Variants in ZNF385D observed in about 807,000 individuals in gnomAD.
The protein encoded by ZNF385D is zinc finger protein 659.
A neutral mutation model predicts 35.8 loss-of-function variants in ZNF385D; 15 were observed. The ratio of observed to expected loss-of-function variants is 0.42; its 90% confidence interval spans 0.28 to 0.64. The LOEUF is 0.64. ZNF385D is among the 30% of genes least tolerant of loss of function. The pLI, the probability that ZNF385D is intolerant of heterozygous loss-of-function variation, is 0.23. For missense variants in ZNF385D, 474 were observed against 494.6 expected, an observed-to-expected ratio of 0.96 and a Z score of 0.39; for synonymous variants, 212 against 186.8, an observed-to-expected ratio of 1.13 and a Z score of -1.10.
intron 2 of ZNF385D, among the ~76,000 whole-genome samples, chr3:22,254,882 C>T (rs190072723): frequency 6.6e-6 from 1 of 151,870 alleles, no homozygotes; most frequent in Non-Finnish European, 1.5e-5. Flanking sequence ...TATCAGTCCT[C>T]TCTGATCACA....
intron 3 of ZNF385D, among the ~76,000 whole-genome samples, chr3:22,105,939 C>T (rs1253281478): frequency 6.6e-6 from 1 of 152,136 alleles, no homozygotes; most frequent in African/African-American, 2.4e-5. Context: ...TAATAGTACA[C>T]ATCTGTTACT....
chr3:21,833,231 G>A (rs556522213), intron 3 of ZNF385D, among the ~76,000 whole-genome samples: 12 of 152,180 alleles, frequency 7.9e-5, no homozygotes, highest in Non-Finnish European at 1.8e-4. Context: ...TTAGTGGGCT[G>A]AAAGTTGGCC....
At chr3:22,125,648 T>C (rs1703382875) in intron 3 of ZNF385D, among the ~76,000 whole-genome samples, 2 of 152,134 alleles carry the variant, frequency 1.3e-5, no homozygotes, top group African/African-American at 4.8e-5. Flanking sequence ...TTCACATTTT[T>C]GGTTAAGTTT....
At chr3:22,123,865 A>AG (rs1703242983) in intron 3 of ZNF385D, among the ~76,000 whole-genome samples, 1 of 138,264 alleles carries the variant, frequency 7.2e-6, no homozygotes. Flanking sequence ...TCTGTCTCAG[A>AG]AAAACCAAAC....
chr3:21,693,656 A>G (rs2067357584), intron 1 of ZNF385D, among the ~76,000 whole-genome samples: 1 of 152,134 alleles, frequency 6.6e-6, no homozygotes, highest in Non-Finnish European at 1.5e-5. Context: ...TGTCCTTTGT[A>G]AAGTATAACA....
rs116991143 is a variant in ZNF385D, at chr3:22,032,089, C to A, written c.325+136728G>T. Among the ~76,000 whole-genome samples, 132 of 152,334 alleles carry A rather than the reference C, an allele frequency of 8.7e-4. 1 individual carries two copies. The East Asian group carries it at 0.022, about 25-fold the overall frequency. ...ATAAGTTCCTCATCTCCATCTGAGA[C>A]CACCCCAGCTGGGACTTCATTGTCC... On this transcript the variant is annotated intron_variant, in intron 3 of 5. Coordinates refer to the ZNF385D transcript ENST00000494108.
chr3:21,675,994 G>A (rs35833757), intron 1 of ZNF385D, among the ~76,000 whole-genome samples: 30,536 of 151,844 alleles, frequency 0.2, 3,282 homozygotes, highest in East Asian at 0.29. Flanking sequence ...TCAACGTTCC[G>A]TTGTGATTTT....
At chr3:21,977,750 C>A (rs1340468209) in intron 3 of ZNF385D, among the ~76,000 whole-genome samples, 1 of 152,000 alleles carries the variant, frequency 6.6e-6, no homozygotes, top group African/African-American at 2.4e-5. Context: ...GCAAGAGGAT[C>A]GCTTGAGCCC....
At chr3:22,316,366 G>C (rs1033129350) in intron 2 of ZNF385D, among the ~76,000 whole-genome samples, 1 of 152,180 alleles carries the variant, frequency 6.6e-6, no homozygotes, top group Non-Finnish European at 1.5e-5. Flanking sequence ...GGGTTTATCT[G>C]TGTGGCAGGC....
At chr3:22,230,265 A>T (rs931709806) in intron 2 of ZNF385D, among the ~76,000 whole-genome samples, 1 of 152,174 alleles carries the variant, frequency 6.6e-6, no homozygotes, top group African/African-American at 2.4e-5. Context: ...CTGTATAATG[A>T]TATTTTACAA....
At chr3:21,734,398 C>A in intron 1 of ZNF385D, among the ~76,000 whole-genome samples, 1 of 150,978 alleles carries the variant, frequency 6.6e-6, no homozygotes, top group East Asian at 2.0e-4. Flanking sequence ...TTTAGATGGT[C>A]ATCCTAAAGA....
intron 3 of ZNF385D, among the ~76,000 whole-genome samples, chr3:21,524,423 T>G (rs2125511297): frequency 6.6e-6 from 1 of 152,330 alleles, no homozygotes; most frequent in Non-Finnish European, 1.5e-5. Context: ...GACAACATAT[T>G]TCCAAATTCT....
At chr3:22,113,613 A>G (rs62246428) in intron 3 of ZNF385D, among the ~76,000 whole-genome samples, 36,116 of 152,082 alleles carry the variant, frequency 0.24, 5,201 homozygotes, top group Middle Eastern at 0.37. Context: ...GACAATGAGC[A>G]GCACAGCAAC....
chr3:22,223,654 C>A (rs145896812), intron 2 of ZNF385D, among the ~76,000 whole-genome samples: 1 of 152,060 alleles, frequency 6.6e-6, no homozygotes, highest in Non-Finnish European at 1.5e-5. Flanking sequence ...CTATGCTTAA[C>A]ACTAAATATA....
chr3:21,680,719 G>A (rs906217708), intron 1 of ZNF385D, among the ~76,000 whole-genome samples: 2 of 152,146 alleles, frequency 1.3e-5, no homozygotes, highest in African/African-American at 4.8e-5. Context: ...CAAAATTTTA[G>A]ATGGCATATT....
At chr3:22,005,984 C>T (rs1028012492) in intron 3 of ZNF385D, among the ~76,000 whole-genome samples, 2 of 152,056 alleles carry the variant, frequency 1.3e-5, no homozygotes, top group East Asian at 1.9e-4. Context: ...TTCTCTCTCT[C>T]TCTCACTCTT....
chr3:21,610,648 G>A (rs191817085), intron 2 of ZNF385D, among the ~76,000 whole-genome samples: 258 of 151,994 alleles, frequency 1.7e-3, no homozygotes, highest in African/African-American at 4.8e-3. Context: ...GGTGGCGGGC[G>A]CCTGTGGTCC....
At chr3:21,655,158 A>G (rs930070658) in intron 2 of ZNF385D, among the ~76,000 whole-genome samples, 12 of 151,934 alleles carry the variant, frequency 7.9e-5, no homozygotes, top group African/African-American at 2.7e-4. Flanking sequence ...TCAACACCAG[A>G]GATTCTGGTT....
chr3:22,333,085 T>C (rs1695012038), intron 2 of ZNF385D, among the ~76,000 whole-genome samples: 1 of 152,156 alleles, frequency 6.6e-6, no homozygotes, highest in South Asian at 2.1e-4. Context: ...GACATGGAAT[T>C]CTAGCTTGGC....
Sources: gnomAD v4.1 joint callset for allele counts (sites outside exome capture counted in the v4.1 genomes callset) on GRCh38, gnomAD v4.1.1 for gene constraint, MANE v1.5 for transcripts, NCBI Gene and HGNC (gene_info 2026-07-23, HGNC 2026-07-21) for gene names.